Variants in MAD1L1 observed in about 807,000 individuals in gnomAD.
The protein encoded by MAD1L1 is mitotic spindle assembly checkpoint protein MAD1.
In MAD1L1, 95 loss-of-function variants were observed where a neutral mutation model predicts 96.9. That is an observed-to-expected ratio of 0.98 (90% CI 0.83 to 1.16). The LOEUF is 1.16. MAD1L1 is among the 50% of genes most tolerant of loss of function. MAD1L1 has a pLI of 0.00. For missense variants in MAD1L1, 1,007 were observed against 954.4 expected (o/e 1.06, Z -0.73); for synonymous variants, 473 against 396.6 (o/e 1.19, Z -2.29).
At chr7:2,133,566 T>C (rs1479839216) in intron 11 of MAD1L1, among the ~76,000 whole-genome samples, 2 of 152,366 alleles carry the variant, frequency 1.3e-5, no homozygotes, top group East Asian at 3.9e-4. Context: ...ACGAGGTCCA[T>C]CTCATCAATT....
At chr7:2,024,694 G>A (rs763425817) in intron 12 of MAD1L1, among the ~76,000 whole-genome samples, 30 of 152,158 alleles carry the variant, frequency 2.0e-4, no homozygotes, top group Admixed American at 8.5e-4. Context: ...CATCTCAGGC[G>A]GGTTTGTGGC....
chr7:1,976,844 A>C (rs1780667000), intron 15 of MAD1L1, among the ~76,000 whole-genome samples: 1 of 152,170 alleles, frequency 6.6e-6, no homozygotes, highest in African/African-American at 2.4e-5. Flanking sequence ...AGCTAGACAC[A>C]GGGTGCTGAT....
At chr7:1,829,619 G>A (rs920783808) in intron 18 of MAD1L1, 4 of 151,302 alleles carry the variant, frequency 2.6e-5, no homozygotes, top group African/African-American at 9.7e-5. Context: ...CAGTGGTGGG[G>A]ACAGCAAAGA....
chr7:1,972,836 C>A (rs1290772351), intron 15 of MAD1L1, among the ~76,000 whole-genome samples: 2 of 152,110 alleles, frequency 1.3e-5, no homozygotes, highest in Non-Finnish European at 2.9e-5. Context: ...CTAGCTGGAC[C>A]CCACTTACTT....
chr7:2,078,537 C>T (rs1237933294), intron 11 of MAD1L1, among the ~76,000 whole-genome samples: 1 of 152,236 alleles, frequency 6.6e-6, no homozygotes, highest in Non-Finnish European at 1.5e-5. Context: ...TTATGCTTCT[C>T]ATCTACCCAG....
intron 16 of MAD1L1, among the ~76,000 whole-genome samples, chr7:1,939,185 C>A (rs1778812027): frequency 1.4e-5 from 1 of 71,486 alleles, no homozygotes; most frequent in Non-Finnish European, 2.8e-5. Flanking sequence ...GGGCCAGGAC[C>A]AGAGGCGCTC....
At chr7:2,152,238 C>T (rs1789612239) in intron 10 of MAD1L1, among the ~76,000 whole-genome samples, 1 of 152,186 alleles carries the variant, frequency 6.6e-6, no homozygotes, top group Non-Finnish European at 1.5e-5. Context: ...CAGATCCCTG[C>T]CGGCTCTCAG....
Position 2,103,275 on chromosome 7 carries a change from C to A in MAD1L1, c.1074-33937G>T, listed in dbSNP as rs1286033327. Among the ~76,000 whole-genome samples, 1 of 152,168 alleles carries A rather than the reference C, an allele frequency of 6.6e-6. No individual in the cohort carries two copies. The highest frequency in any genetic ancestry group is 1.5e-5 in the Non-Finnish European group (1 of 68,024). Reference sequence around the variant, plus strand: ...GCTGAGGGCCGGGTCGCAGCCCAAGCCATGGCTGCCCCGACGGGCCCTGCA... The same window carrying A: ...GCTGAGGGCCGGGTCGCAGCCCAAGACATGGCTGCCCCGACGGGCCCTGCA... On this transcript the variant is annotated intron_variant, in intron 11 of 18. Coordinates refer to ENST00000265854, the MANE Select transcript of MAD1L1 (RefSeq NM_001013836.2). The surrounding 1 kb of genome is among the most constrained non-coding windows in gnomAD (Gnocchi z 4.3).
chr7:2,010,689 T>C (rs1011298951), intron 13 of MAD1L1, among the ~76,000 whole-genome samples: 2 of 152,094 alleles, frequency 1.3e-5, no homozygotes, highest in Admixed American at 1.3e-4. Flanking sequence ...AACAGACTGG[T>C]GTCTGGTTTA....
chr7:2,206,254 C>T (rs1792591827), intron 10 of MAD1L1, among the ~76,000 whole-genome samples: 1 of 152,350 alleles, frequency 6.6e-6, no homozygotes, highest in South Asian at 2.1e-4. Flanking sequence ...TGGTCAGATA[C>T]ATGTTAATAT....
At chr7:2,190,820 A>G (rs2128606470) in intron 10 of MAD1L1, among the ~76,000 whole-genome samples, 1 of 152,274 alleles carries the variant, frequency 6.6e-6, no homozygotes, top group East Asian at 1.9e-4. Flanking sequence ...ATGCGGGGCC[A>G]GCGGAATTCA....
intron 11 of MAD1L1, among the ~76,000 whole-genome samples, chr7:2,081,520 C>G (rs534988555): frequency 6.6e-6 from 1 of 152,200 alleles, no homozygotes; most frequent in South Asian, 2.1e-4. Context: ...CAAAAATCCC[C>G]GCATCGGGCC....
At chr7:2,222,833 T>C (rs997097204) in intron 4 of MAD1L1, 79 bp from the exon 5 acceptor site, 6 of 1,191,974 alleles carry the variant, frequency 5.0e-6, no homozygotes, top group Non-Finnish European at 7.0e-6. Context: ...CACACCTCTC[T>C]CAGAACATGC....
rs558929677 is a variant in MAD1L1, at chr7:1,854,116, A to G, written c.1999-37888T>C. ...CCCATCCAGGCGTGGCGGAGGCCACATCACTCACGGGGCTGCCCAGCCTCT... is the reference window on the plus strand; with the variant it reads ...CCCATCCAGGCGTGGCGGAGGCCACGTCACTCACGGGGCTGCCCAGCCTCT... On this transcript the variant is annotated intron_variant, in intron 18 of 18. Transcript: ENST00000265854. Among the ~76,000 whole-genome samples, 491 of 152,238 alleles carry G rather than the reference A, an allele frequency of 3.2e-3. 6 individuals are homozygous for G. Among genetic ancestry groups the G allele is most frequent in the South Asian group, 3.9e-3 (19 of 4,830 alleles).
chr7:1,867,211 G>A (rs1283861454), intron 18 of MAD1L1, among the ~76,000 whole-genome samples: 1 of 152,184 alleles, frequency 6.6e-6, no homozygotes, highest in African/African-American at 2.4e-5. Context: ...TGGCATCACT[G>A]ACCACATGCC....
chr7:2,174,378 T>G (rs2128596915), intron 10 of MAD1L1, among the ~76,000 whole-genome samples: 1 of 152,310 alleles, frequency 6.6e-6, no homozygotes, highest in South Asian at 2.1e-4. Context: ...ACCCTGATAT[T>G]TGGGGTCCAG....
At chr7:2,026,519 A>G (rs1343890957) in intron 12 of MAD1L1, among the ~76,000 whole-genome samples, 1 of 152,234 alleles carries the variant, frequency 6.6e-6, no homozygotes, top group African/African-American at 2.4e-5. Flanking sequence ...TGTATGGGCC[A>G]TTTACAAAAC....
At chr7:2,158,907 G>C (rs950177299) in intron 10 of MAD1L1, among the ~76,000 whole-genome samples, 1 of 152,216 alleles carries the variant, frequency 6.6e-6, no homozygotes, top group Non-Finnish European at 1.5e-5. Context: ...CACTAAGCTG[G>C]AGCTCAGACT....
chr7:2,210,452 T>C (rs1296959555), intron 10 of MAD1L1, among the ~76,000 whole-genome samples: 4 of 132,910 alleles, frequency 3.0e-5, no homozygotes, highest in African/African-American at 1.0e-4. Context: ...CCGTGGACTC[T>C]CTAGGAGCCG....
Sources: gnomAD v4.1 joint callset for allele counts (sites outside exome capture counted in the v4.1 genomes callset) on GRCh38, gnomAD v4.1.1 for gene constraint, Gnocchi (gnomAD v3.1) non-coding constraint, MANE v1.5 for transcripts, NCBI Gene and HGNC (gene_info 2026-07-23, HGNC 2026-07-21) for gene names.